Variants in SCN9A observed in about 807,000 individuals in gnomAD.
The protein encoded by SCN9A is sodium channel protein type 9 subunit alpha.
In SCN9A, 131 loss-of-function variants were observed where a neutral mutation model predicts 187.0. The ratio of observed to expected loss-of-function variants is 0.70; its 90% CI spans 0.61 to 0.81. The LOEUF (loss-of-function observed/expected upper bound fraction) is 0.81. Among genes scored for constraint, SCN9A ranks in the 30% least tolerant of loss-of-function variants. The pLI, the probability that SCN9A is intolerant of heterozygous loss-of-function variation, is 0.00. For missense variants in SCN9A, 2,252 were observed against 2,396.6 expected (o/e 0.94, Z 1.26); for synonymous variants, 809 against 808.6 (o/e 1.00, Z -0.01).
At chr2:166,223,966 TA>T (rs1694737407) in intron 24 of SCN9A, among the ~76,000 whole-genome samples, 1 of 152,144 alleles carries the variant, frequency 6.6e-6, no homozygotes, top group African/African-American at 2.4e-5. Flanking sequence ...CAAGATGAAA[TA>T]CTGGAAGAAT....
At position 166,272,775 on chromosome 2, in the gene SCN9A, A is replaced by C. The variant is rs1057524814; in HGVS notation, c.2975T>G (p.Val992Gly). 6.5e-7 allele frequency: 1 copy of C among 1,532,004 alleles called. No homozygotes were observed. Among genetic ancestry groups the C allele is most frequent in the Non-Finnish European group, 8.7e-7 (1 of 1,143,396 alleles). The allele number at this position is 1,532,004 out of a possible 1,614,324, so 94.9% of individuals were successfully genotyped here. The change falls in exon 17 of 27, where the codon GTG (valine) becomes GGG (glycine). Residue 992 changes from valine to glycine, a missense_variant. Transcript: ENST00000642356. ...DPDANNLQIA[V>G]TRIKKGINYV... ...ATTTATTCCCTTTTTAATTCTAGTCACTGCAATCTGGAGGTTGTTTGCATC... is the reference window on the plus strand; with the variant it reads ...ATTTATTCCCTTTTTAATTCTAGTCCCTGCAATCTGGAGGTTGTTTGCATC...
At chr2:166,270,036 A>C (rs758665385) in intron 17 of SCN9A, among the ~76,000 whole-genome samples, 3 of 152,056 alleles carry the variant, frequency 2.0e-5, no homozygotes, top group Non-Finnish European at 2.9e-5. Context: ...GCATACGTGG[A>C]ATCTGATTTT....
rs1277059856 is a variant in SCN9A, at chr2:166,310,845, C to G, written c.258+654G>C. Among the ~76,000 whole-genome samples the G allele has an allele frequency of 1.2e-4, 9 of 77,756 alleles. 4 individuals are homozygous for G. Among genetic ancestry groups the G allele is most frequent in the African/African-American group, 3.0e-4 (4 of 13,284 alleles). The allele number at this position is 77,756 out of a possible 152,430, so 51.0% of individuals were successfully genotyped here. A position where few individuals can be genotyped will look rare whatever the true frequency, so the allele number is the denominator to read the frequency against. ...CACAATAGCAAACACTTGGAACCAA[C>G]CCAAATGTCCAACAATGATAGACTG... On this transcript the variant is annotated intron_variant, in intron 2 of 26. Transcript: ENST00000642356.
Position 166,251,680 on chromosome 2 carries a change from C to T in SCN9A, c.3472+85G>A, listed in dbSNP as rs965130732. ...GGAATGGAGTCTTCTGACTTACCGACAACCTCTGGTAAGTATTAGGCGTTA... is the reference window on the plus strand; with the variant it reads ...GGAATGGAGTCTTCTGACTTACCGATAACCTCTGGTAAGTATTAGGCGTTA... On this transcript the variant is annotated intron_variant, in intron 18 of 26. Coordinates refer to ENST00000642356, the MANE Select transcript of SCN9A (RefSeq NM_001365536.1). 7 of 1,445,882 alleles carry T rather than the reference C, an allele frequency of 4.8e-6. No individual in the cohort carries two copies. The African/African-American group carries it at 9.8e-5, about 20-fold the overall frequency. 89.6% of individuals were successfully genotyped at this position (1,445,882 alleles called of 1,614,324 possible).
intron 18 of SCN9A, among the ~76,000 whole-genome samples, chr2:166,244,846 A>G (rs940854056): frequency 6.6e-6 from 1 of 152,088 alleles, no homozygotes; most frequent in Non-Finnish European, 1.5e-5. Flanking sequence ...ACATTACAAA[A>G]ATCTCCAAGC....
chr2:166,210,709 G>T (rs1242098968), intron 24 of SCN9A, among the ~76,000 whole-genome samples: 1 of 151,976 alleles, frequency 6.6e-6, no homozygotes, highest in African/African-American at 2.4e-5. Context: ...CAAATTTGGG[G>T]AGAGATATGA....
chr2:166,367,074 T>A (rs1700434850), intron 1 of SCN9A, among the ~76,000 whole-genome samples: 1 of 152,162 alleles, frequency 6.6e-6, no homozygotes, highest in Non-Finnish European at 1.5e-5. Flanking sequence ...TTTGTACTCC[T>A]CCAATATAGA....
intron 1 of SCN9A, among the ~76,000 whole-genome samples, chr2:166,366,043 C>G (rs1700406567): frequency 6.6e-6 from 1 of 152,272 alleles, no homozygotes; most frequent in East Asian, 1.9e-4. Context: ...AGGGACTCAG[C>G]AGCCGCTTAC....
chr2:166,265,787 GTTTGA>G (rs1247696603), intron 17 of SCN9A, among the ~76,000 whole-genome samples: 1 of 151,650 alleles, frequency 6.6e-6, no homozygotes, highest in East Asian at 1.9e-4. Context: ...CTCAAGATAG[GTTTGA>G]TTTGCATTTC....
chr2:166,315,760 G>A (rs1016132713), intron 1 of SCN9A, among the ~76,000 whole-genome samples: 1 of 152,166 alleles, frequency 6.6e-6, no homozygotes, highest in Non-Finnish European at 1.5e-5. Context: ...AAGTAAAAAT[G>A]GAGCCTCACA....
chr2:166,337,888 A>G (rs746083843), intron 1 of SCN9A, among the ~76,000 whole-genome samples: 12 of 152,264 alleles, frequency 7.9e-5, no homozygotes, highest in Non-Finnish European at 1.3e-4. Flanking sequence ...TTGAACCAAT[A>G]AGAACTCAAT....
intron 24 of SCN9A, among the ~76,000 whole-genome samples, chr2:166,216,690 A>C (rs2106367704): frequency 6.6e-6 from 1 of 152,158 alleles, no homozygotes; most frequent in African/African-American, 2.4e-5. Context: ...GGAAAGTTGA[A>C]GATCTGTACA....
At chr2:166,221,173 A>G (rs1315505043) in intron 24 of SCN9A, among the ~76,000 whole-genome samples, 1 of 152,162 alleles carries the variant, frequency 6.6e-6, no homozygotes, top group Admixed American at 6.5e-5. Flanking sequence ...ACACAAATAA[A>G]TGGAAAGACC....
At chr2:166,280,044 G>A (rs1191153122) in intron 14 of SCN9A, among the ~76,000 whole-genome samples, 1 of 152,122 alleles carries the variant, frequency 6.6e-6, no homozygotes, top group Non-Finnish European at 1.5e-5. Flanking sequence ...ATGTAATTAG[G>A]AAGGTGTGAG....
At chr2:166,294,408 C>A (rs1698212657) in intron 8 of SCN9A, among the ~76,000 whole-genome samples, 191 bp downstream of exon 8, 1 of 152,128 alleles carries the variant, frequency 6.6e-6, no homozygotes, top group Non-Finnish European at 1.5e-5. Flanking sequence ...GTCTCAAAGT[C>A]TTGCTTTCAA....
chr2:166,272,318 TA>T, intron 17 of SCN9A, 80 bp downstream of exon 17: 1 of 945,120 alleles, frequency 1.1e-6, no homozygotes, highest in Non-Finnish European at 1.5e-6. Flanking sequence ...AAGAAGAACT[TA>T]TGACAATAGA....
intron 15 of SCN9A, chr2:166,277,778 G>T: frequency 4.5e-6 from 1 of 224,564 alleles, no homozygotes; most frequent in Admixed American, 5.3e-5. Flanking sequence ...TTGTTTTGGG[G>T]GATAACAATT....
chr2:166,222,958 A>AAAAAAAAAAAAAAAAAAAC (rs1694677310), intron 24 of SCN9A, among the ~76,000 whole-genome samples: 1 of 146,042 alleles, frequency 6.8e-6, no homozygotes, highest in African/African-American at 2.5e-5. Context: ...AAAAAAAAAA[A>AAAAAAAAAAAAAAAAAAAC]AAAAAAAAAA....
intron 1 of SCN9A, among the ~76,000 whole-genome samples, chr2:166,374,573 T>G (rs1700644232): frequency 6.6e-6 from 1 of 152,098 alleles, no homozygotes; most frequent in Non-Finnish European, 1.5e-5. Context: ...AATGAACAGT[T>G]TAATAATTGG....
Sources: gnomAD v4.1 joint callset for allele counts (sites outside exome capture counted in the v4.1 genomes callset) on GRCh38, gnomAD v4.1.1 for gene constraint, MANE v1.5 for transcripts, NCBI Gene and HGNC (gene_info 2026-07-23, HGNC 2026-07-21) for gene names.